Variants in PRTFDC1 observed in about 807,000 individuals in gnomAD.
The protein encoded by PRTFDC1 is phosphoribosyltransferase domain-containing protein 1.
Under a neutral mutation model 34.6 loss-of-function variants are expected in PRTFDC1, and 38 were observed. That is an observed-to-expected ratio of 1.10 (90% CI 0.85 to 1.44). The LOEUF (loss-of-function observed/expected upper bound fraction) is 1.44, where lower values mean the gene tolerates loss of function less well. Ranked by LOEUF, PRTFDC1 falls within the 40% of genes most tolerant of loss-of-function variation. The pLI is 0.00. For synonymous variants in PRTFDC1, 93 were observed against 98.1 expected (o/e 0.95, Z 0.31); for missense variants, 270 against 283.0 (o/e 0.95, Z 0.33).
intron 6 of PRTFDC1, 31 bp from the exon 7 acceptor site, chr10:24,855,395 C>T (rs1341065835): frequency 9.9e-6 from 16 of 1,610,798 alleles, no homozygotes; most frequent in Non-Finnish European, 1.3e-5. Flanking sequence ...CTTTAGTGAA[C>T]CCAATCAAAT....
chr10:24,943,407 G>C (rs1849201858), intron 1 of PRTFDC1, among the ~76,000 whole-genome samples: 1 of 152,166 alleles, frequency 6.6e-6, no homozygotes, highest in South Asian at 2.1e-4. Context: ...TAGTTTTACG[G>C]TTAGAATAGT....
intron 3 of PRTFDC1, among the ~76,000 whole-genome samples, chr10:24,885,792 T>C (rs1413705861): frequency 1.3e-5 from 2 of 152,220 alleles, no homozygotes; most frequent in Admixed American, 6.5e-5. Context: ...GATGCATCTA[T>C]GCAACGTATT....
intron 1 of PRTFDC1, among the ~76,000 whole-genome samples, chr10:24,945,732 T>C (rs1406936822): frequency 6.6e-6 from 1 of 152,194 alleles, no homozygotes; most frequent in East Asian, 1.9e-4. Context: ...ACTGGGATTA[T>C]AAGTGTGAGC....
At chr10:24,860,451 A>C (rs1847660986) in intron 4 of PRTFDC1, among the ~76,000 whole-genome samples, 1 of 152,212 alleles carries the variant, frequency 6.6e-6, no homozygotes, top group South Asian at 2.1e-4. Context: ...TGCAAGATTT[A>C]ATTAATAAAA....
chr10:24,920,063 G>A (rs936241491), intron 3 of PRTFDC1, among the ~76,000 whole-genome samples: 7 of 152,050 alleles, frequency 4.6e-5, no homozygotes, highest in Admixed American at 6.6e-5. Flanking sequence ...AAGACAGTGC[G>A]GCAATCCCTC....
intron 1 of PRTFDC1, among the ~76,000 whole-genome samples, chr10:24,949,952 T>G (rs764169957): frequency 3.3e-5 from 5 of 152,008 alleles, no homozygotes; most frequent in Non-Finnish European, 5.9e-5. Context: ...CAGGATTCTA[T>G]TGAACTCCTG....
intron 3 of PRTFDC1, among the ~76,000 whole-genome samples, chr10:24,904,261 TACACACACACACACAC>T (rs10585982): frequency 1.3e-5 from 2 of 148,174 alleles, no homozygotes; most frequent in African/African-American, 5.0e-5. Flanking sequence ...TAAAATGTAA[TACACACACACACACAC>T]ACACACACAC....
chr10:24,863,692 G>A (rs7903234), intron 4 of PRTFDC1, among the ~76,000 whole-genome samples: 123,058 of 152,036 alleles, frequency 0.81, 50,001 homozygotes, highest in South Asian at 0.84. Context: ...AGCATTCATC[G>A]TCCATGAGTG....
chr10:24,883,907 C>A (rs1255816634), intron 3 of PRTFDC1, among the ~76,000 whole-genome samples: 3 of 146,274 alleles, frequency 2.1e-5, no homozygotes, highest in Admixed American at 7.0e-5. Context: ...TCACTGCAAC[C>A]TTTGTCATCT....
intron 4 of PRTFDC1, among the ~76,000 whole-genome samples, chr10:24,863,863 C>T (rs1847728030): frequency 6.6e-6 from 1 of 151,750 alleles, no homozygotes; most frequent in African/African-American, 2.4e-5. Context: ...ATTGCTTGAG[C>T]CCAGTAGTTT....
intron 3 of PRTFDC1, chr10:24,908,604 G>T: frequency 6.2e-7 from 1 of 1,612,722 alleles, no homozygotes; most frequent in Non-Finnish European, 8.5e-7. Context: ...TCTTGCAGGG[G>T]AGCACAGCTA....
intron 3 of PRTFDC1, among the ~76,000 whole-genome samples, chr10:24,920,788 C>A (rs1848776978): frequency 1.3e-5 from 2 of 151,984 alleles, no homozygotes; most frequent in South Asian, 2.1e-4. Flanking sequence ...AAATAACTAT[C>A]CCTGAAAAAG....
intron 3 of PRTFDC1, among the ~76,000 whole-genome samples, chr10:24,895,688 GATATAT>G (rs762084915): frequency 0.029 from 1,381 of 47,408 alleles, 37 homozygotes; most frequent in South Asian, 0.16. Context: ...AGCTGGGGTG[GATATAT>G]ATATATATAT....
intron 3 of PRTFDC1, among the ~76,000 whole-genome samples, chr10:24,890,950 G>A (rs1169948953): frequency 6.6e-6 from 1 of 152,186 alleles, no homozygotes; most frequent in Non-Finnish European, 1.5e-5. Context: ...GGCGGAGGAG[G>A]TGGCAGATGC....
rs372633693 is a variant in PRTFDC1, at chr10:24,853,732, C to T, written c.553+1586G>A. On this transcript the variant is annotated intron_variant, in intron 7 of 8. Coordinates refer to ENST00000320152, the MANE Select transcript of PRTFDC1 (RefSeq NM_020200.7). ...CAACTCACACTGGGAAAATGAGAGC[C>T]CAAAGCCTATTTAGAAGGCCAAAAC... is the stretch of plus-strand genomic sequence containing the variant. 1.4e-4 allele frequency among the ~76,000 whole-genome samples: 21 copies of T among 152,136 alleles called. No individual in the cohort carries two copies. The East Asian group carries it at 1.9e-3, about 14-fold the overall frequency.
chr10:24,916,275 A>G (rs1190383172), intron 3 of PRTFDC1, among the ~76,000 whole-genome samples: 2 of 152,154 alleles, frequency 1.3e-5, no homozygotes, highest in Non-Finnish European at 2.9e-5. Flanking sequence ...AATTACTGCA[A>G]TATCTTTTCA....
intron 4 of PRTFDC1, among the ~76,000 whole-genome samples, chr10:24,861,550 T>G (rs1411488480): frequency 6.6e-6 from 1 of 151,874 alleles, no homozygotes; most frequent in Non-Finnish European, 1.5e-5. Flanking sequence ...CCAAATCAAA[T>G]AGATTGAAAG....
intron 1 of PRTFDC1, among the ~76,000 whole-genome samples, chr10:24,945,935 G>A (rs1380668865): frequency 2.0e-5 from 3 of 152,144 alleles, no homozygotes; most frequent in African/African-American, 7.2e-5. Context: ...AGCTGTACAT[G>A]AGGAGATTCT....
chr10:24,932,306 T>C (rs1474672659), intron 3 of PRTFDC1, among the ~76,000 whole-genome samples: 3 of 151,818 alleles, frequency 2.0e-5, no homozygotes, highest in Non-Finnish European at 4.4e-5. Context: ...CTAACTGGCA[T>C]GATCATGCAA....
Sources: gnomAD v4.1 joint callset for allele counts (sites outside exome capture counted in the v4.1 genomes callset) on GRCh38, gnomAD v4.1.1 for gene constraint, MANE v1.5 for transcripts, NCBI Gene and HGNC (gene_info 2026-07-23, HGNC 2026-07-21) for gene names.